Variants in NCMAP observed in about 807,000 individuals in gnomAD.
NCMAP encodes the protein noncompact myelin-associated protein.
A neutral mutation model predicts 7.8 loss-of-function variants in NCMAP; 8 were observed. The observed-to-expected ratio is 1.02, with a 90% CI of 0.60 to 1.84. The LOEUF (loss-of-function observed/expected upper bound fraction) is 1.84. Ranked by LOEUF, NCMAP falls within the 40% of genes most tolerant of loss-of-function variation. The pLI, the probability that NCMAP is intolerant of heterozygous loss-of-function variation, is 0.00. For synonymous variants in NCMAP, 41 were observed against 52.9 expected (o/e 0.78, Z 0.98); for missense variants, 112 against 131.4 (o/e 0.85, Z 0.72).
At chr1:24,563,760 G>A (rs997595457) in intron 1 of NCMAP, 1 of 152,278 alleles carries the variant, frequency 6.6e-6, no homozygotes, top group Non-Finnish European at 1.5e-5. Flanking sequence ...CACTATAGAG[G>A]TCAGCAAATT....
intron 1 of NCMAP, chr1:24,563,678 G>A (rs189355132): frequency 3.3e-5 from 5 of 152,244 alleles, no homozygotes; most frequent in Admixed American, 3.3e-4. Flanking sequence ...TTTTTCCAAA[G>A]AGCTGAGACA....
At chr1:24,564,691 A>G (rs1419807578) in intron 1 of NCMAP, among the ~76,000 whole-genome samples, 2 of 152,108 alleles carry the variant, frequency 1.3e-5, no homozygotes, top group African/African-American at 4.8e-5. Context: ...GAGCTCATAG[A>G]GTAACCAACA....
chr1:24,573,913 T>C (rs1470419264), intron 1 of NCMAP, among the ~76,000 whole-genome samples: 1 of 129,460 alleles, frequency 7.7e-6, no homozygotes, highest in African/African-American at 3.1e-5. Flanking sequence ...GCTCCCAGTG[T>C]GGGCGGCACC....
intron 1 of NCMAP, among the ~76,000 whole-genome samples, chr1:24,587,945 A>C (rs776822371): frequency 6.6e-6 from 1 of 151,128 alleles, no homozygotes; most frequent in East Asian, 1.9e-4. Context: ...TTTTTCTTTT[A>C]TTTTTTCTTT....
At chr1:24,561,357 AAAAG>A (rs1651044531) in intron 1 of NCMAP, among the ~76,000 whole-genome samples, 1 of 152,162 alleles carries the variant, frequency 6.6e-6, no homozygotes, top group African/African-American at 2.4e-5. Flanking sequence ...CAAAAAAAGA[AAAAG>A]AAATACTTAC....
chr1:24,559,242 C>T (rs1020403343), intron 1 of NCMAP, among the ~76,000 whole-genome samples: 2 of 152,196 alleles, frequency 1.3e-5, no homozygotes, highest in African/African-American at 4.8e-5. Flanking sequence ...TATCGGTTTC[C>T]CCATCTCCAT....
At chr1:24,566,091 C>A (rs1651221300) in intron 1 of NCMAP, among the ~76,000 whole-genome samples, 2 of 152,218 alleles carry the variant, frequency 1.3e-5, no homozygotes, top group Non-Finnish European at 2.9e-5. Context: ...GAGGCCTCCA[C>A]AGCCATGCTG....
chr1:24,582,028 C>T (rs1651761362), intron 1 of NCMAP, among the ~76,000 whole-genome samples: 1 of 152,142 alleles, frequency 6.6e-6, no homozygotes, highest in Non-Finnish European at 1.5e-5. Context: ...AGGAATCAGG[C>T]CTGCCCAGTT....
At chr1:24,599,724 C>T (rs1431727781) in intron 2 of NCMAP, among the ~76,000 whole-genome samples, 1 of 150,808 alleles carries the variant, frequency 6.6e-6, no homozygotes, top group East Asian at 2.0e-4. Flanking sequence ...ATTACAGGCA[C>T]ATGCCATCAC....
At chr1:24,599,551 T>A (rs1270744775) in intron 2 of NCMAP, among the ~76,000 whole-genome samples, 2 of 152,176 alleles carry the variant, frequency 1.3e-5, no homozygotes, top group Non-Finnish European at 2.9e-5. Flanking sequence ...GATATTGTTA[T>A]AAAACAGTAT....
chr1:24,599,669 C>T (rs1374619859), intron 2 of NCMAP, among the ~76,000 whole-genome samples: 1 of 152,044 alleles, frequency 6.6e-6, no homozygotes, highest in African/African-American at 2.4e-5. Context: ...CCTCTGCCTC[C>T]CGGGTTCAAG....
intron 2 of NCMAP, among the ~76,000 whole-genome samples, chr1:24,597,664 A>G (rs1351831327): frequency 3.7e-5 from 5 of 136,476 alleles, no homozygotes; most frequent in Admixed American, 1.5e-4. Context: ...AGAAAGAAAG[A>G]AAGAAAGAAA....
At chr1:24,600,797 G>T in intron 2 of NCMAP, 143 bp from the exon 3 acceptor site, 1 of 722,616 alleles carries the variant, frequency 1.4e-6, no homozygotes, top group East Asian at 2.5e-5. Context: ...GACTGTCCTG[G>T]GGTCAACTGG....
At chr1:24,594,720 C>T (rs995133771) in intron 1 of NCMAP, among the ~76,000 whole-genome samples, 2 of 152,024 alleles carry the variant, frequency 1.3e-5, no homozygotes, top group African/African-American at 2.4e-5. Flanking sequence ...TCACTGACTG[C>T]TTCATAATCA....
chr1:24,558,772 T>G (rs1650973662), intron 1 of NCMAP, among the ~76,000 whole-genome samples: 2 of 152,172 alleles, frequency 1.3e-5, no homozygotes, highest in Non-Finnish European at 2.9e-5. Flanking sequence ...CACGTAGAGT[T>G]GGGGAAGACC....
At chr1:24,602,616 G>A (rs1652547926) in intron 3 of NCMAP, among the ~76,000 whole-genome samples, 1 of 147,928 alleles carries the variant, frequency 6.8e-6, no homozygotes, top group South Asian at 2.2e-4. Flanking sequence ...ATTTATAAAG[G>A]GAGCTGCTAG....
chr1:24,599,192 A>G (rs1294478406), intron 2 of NCMAP, among the ~76,000 whole-genome samples: 1 of 150,658 alleles, frequency 6.6e-6, no homozygotes, highest in African/African-American at 2.4e-5. Flanking sequence ...AGGCAGGAGA[A>G]TCGATTGAAC....
chr1:24,597,377 A>G (rs1471915370), intron 2 of NCMAP, among the ~76,000 whole-genome samples: 1 of 150,716 alleles, frequency 6.6e-6, no homozygotes, highest in African/African-American at 2.4e-5. Context: ...GGTGGTGCAT[A>G]CCTGTAGTCC....
intron 1 of NCMAP, among the ~76,000 whole-genome samples, chr1:24,571,467 T>C (rs1234296694): frequency 1.3e-5 from 2 of 149,830 alleles, no homozygotes; most frequent in Non-Finnish European, 2.9e-5. Context: ...AGAGCAAGAC[T>C]CTGTCTCAAA....
Sources: gnomAD v4.1 joint callset for allele counts (sites outside exome capture counted in the v4.1 genomes callset) on GRCh38, gnomAD v4.1.1 for gene constraint, MANE v1.5 for transcripts, NCBI Gene and HGNC (gene_info 2026-07-23, HGNC 2026-07-21) for gene names.